Variants in TWIST2 observed in about 807,000 individuals in gnomAD.
TWIST2 encodes the protein twist family bHLH transcription factor 2.
A neutral mutation model predicts 11.6 loss-of-function variants in TWIST2; 1 was observed. That is an observed-to-expected ratio of 0.09 (90% CI 0.03 to 0.41). The LOEUF is 0.41. Among genes scored for constraint, TWIST2 ranks in the 10% least tolerant of loss-of-function variants. The probability of loss-of-function intolerance (pLI) is 0.98; values close to 1 mark genes in which losing one functional copy is unlikely to be tolerated. For synonymous variants in TWIST2, 87 were observed against 96.6 expected (o/e 0.90, Z 0.58); for missense variants, 168 against 226.4 (o/e 0.74, Z 1.66).
Position 238,848,371 on chromosome 2 carries a change from G to A in TWIST2, c.156G>A (p.Lys52=). 6.5e-7 allele frequency: 1 copy of A among 1,534,870 alleles called. No individual in the cohort carries two copies. Among genetic ancestry groups the A allele is most frequent in the South Asian group, 1.2e-5 (1 of 84,028 alleles). ...DGSPTPGKRG[K]KGSPSAQSFE... ...GCCCGACCCCGGGCAAGCGCGGCAA[G>A]AAGGGCAGCCCCAGCGCGCAGTCCT... The change falls in exon 1 of 2, where the codon AAG becomes AAA. Residue 52 remains lysine (K), a synonymous_variant. Transcript: ENST00000612363.
intron 1 of TWIST2, among the ~76,000 whole-genome samples, chr2:238,855,545 G>T (rs796861868): frequency 1.7e-4 from 26 of 152,270 alleles, no homozygotes; most frequent in African/African-American, 6.0e-4. Flanking sequence ...TGATCATTTC[G>T]CATTCCTTGT....
At chr2:238,902,879 G>T (rs1475376190) in intron 1 of TWIST2, among the ~76,000 whole-genome samples, 362 of 65,412 alleles carry the variant, frequency 5.5e-3, no homozygotes, top group Middle Eastern at 0.013. Flanking sequence ...TGATGTGAGG[G>T]GTGTGTGATG....
chr2:238,896,580 G>A (rs1693210363), intron 1 of TWIST2, among the ~76,000 whole-genome samples: 1 of 152,138 alleles, frequency 6.6e-6, no homozygotes, highest in African/African-American at 2.4e-5. Flanking sequence ...AAAAATTCCC[G>A]AGGCCCTGTA....
intron 1 of TWIST2, among the ~76,000 whole-genome samples, chr2:238,906,312 A>C (rs1281383698): frequency 6.6e-6 from 1 of 151,822 alleles, no homozygotes. Flanking sequence ...ACACAGACCC[A>C]CTCAGGAGGA....
chr2:238,880,434 A>G (rs1271199475), intron 1 of TWIST2, among the ~76,000 whole-genome samples: 7 of 119,802 alleles, frequency 5.8e-5, no homozygotes, highest in South Asian at 3.2e-4. Context: ...ATTTATTAGC[A>G]TTAGTGTTAG....
chr2:238,894,517 C>T (rs1232875353), intron 1 of TWIST2, among the ~76,000 whole-genome samples: 1 of 152,232 alleles, frequency 6.6e-6, no homozygotes, highest in Non-Finnish European at 1.5e-5. Context: ...CCTGCCCAGG[C>T]CCCACCTCGG....
At chr2:238,873,341 G>A (rs1380229263) in intron 1 of TWIST2, among the ~76,000 whole-genome samples, 3 of 152,190 alleles carry the variant, frequency 2.0e-5, no homozygotes, top group Non-Finnish European at 4.4e-5. Flanking sequence ...GACAGCAGAT[G>A]TGGGCTTGCT....
At chr2:238,901,888 A>G (rs1202256696) in intron 1 of TWIST2, among the ~76,000 whole-genome samples, 3 of 151,984 alleles carry the variant, frequency 2.0e-5, no homozygotes, top group Non-Finnish European at 2.9e-5. Flanking sequence ...GAGCATCTGG[A>G]AGCCCAGGGT....
chr2:238,867,412 C>CACACACAG lies in TWIST2; in HGVS notation c.*35+18679_*35+18680insACACACAG, dbSNP rs201212202. Among the ~76,000 whole-genome samples the CACACACAG allele has an allele frequency of 6.9e-6, 1 of 144,126 alleles. No homozygotes were observed. The highest frequency in any genetic ancestry group is 1.6e-5 in the Non-Finnish European group (1 of 64,162). The allele number at this position is 144,126 out of a possible 152,430, so 94.6% of individuals were successfully genotyped here. The stretch of plus-strand genomic sequence containing the variant: ...ACACACACACACACACACACACACA[C>CACACACAG]TCCTCAGTAAAATACCCAGTTCTCA... On this transcript the variant is annotated intron_variant, in intron 1 of 1. Transcript: ENST00000612363. This position sits in a 1 kb window ranked among gnomAD's most constrained non-coding sequence, Gnocchi z 4.8.
intron 1 of TWIST2, among the ~76,000 whole-genome samples, chr2:238,886,573 T>C (rs1420764543): frequency 6.6e-6 from 1 of 151,672 alleles, no homozygotes; most frequent in Non-Finnish European, 1.5e-5. Flanking sequence ...TTCTGGGCTA[T>C]TGTCTGGAGC....
chr2:238,893,200 A>C (rs1266248319), intron 1 of TWIST2, among the ~76,000 whole-genome samples: 5 of 152,328 alleles, frequency 3.3e-5, no homozygotes, highest in African/African-American at 9.6e-5. Context: ...GAATAGATGC[A>C]AAAAATTTCA....
Position 238,853,693 on chromosome 2 carries a change from C to T in TWIST2, c.*35+4960C>T, listed in dbSNP as rs985989214. Among the ~76,000 whole-genome samples, 4 of 152,098 alleles carry T rather than the reference C, an allele frequency of 2.6e-5. No homozygotes were observed. The South Asian group carries it at 8.3e-4, about 32-fold the overall frequency. ...GAGGCACAGTGTGATTTCTCTTCAG[C>T]GATTATTAATGGTTGTCACTTCGAA... On this transcript the variant is annotated intron_variant, in intron 1 of 1. Transcript: ENST00000612363.
intron 1 of TWIST2, among the ~76,000 whole-genome samples, chr2:238,865,042 G>T (rs536532902): frequency 6.6e-6 from 1 of 152,146 alleles, no homozygotes; most frequent in Non-Finnish European, 1.5e-5. Flanking sequence ...AAAGCCACAC[G>T]GGGTCACTCC....
At chr2:238,895,987 C>T (rs1297674955) in intron 1 of TWIST2, among the ~76,000 whole-genome samples, 1 of 152,222 alleles carries the variant, frequency 6.6e-6, no homozygotes, top group Non-Finnish European at 1.5e-5. Flanking sequence ...GCCTGGCTTC[C>T]AGCTGGCGTG....
In TWIST2 at chr2:238,856,121, G is replaced by A. The variant is rs569493722; in HGVS notation, c.*35+7388G>A. ...CCAGGACTGGCGTTTTATGGCCCCC[G>A]AGGTAGGGTCAGGAGAGAGCTTATC... On this transcript the variant is annotated intron_variant, in intron 1 of 1. Transcript: ENST00000612363. 7.9e-5 allele frequency among the ~76,000 whole-genome samples: 12 copies of A among 152,222 alleles called. No homozygotes were observed. In the East Asian group the frequency reaches 1.4e-3, roughly 17 times the overall value.
intron 1 of TWIST2, among the ~76,000 whole-genome samples, chr2:238,898,393 C>T (rs1403331050): frequency 3.9e-5 from 6 of 152,322 alleles, no homozygotes; most frequent in Admixed American, 2.0e-4. Context: ...TCTGAGGCTC[C>T]GAGGCCTGAG....
chr2:238,905,903 G>C (rs1241646943), intron 1 of TWIST2, among the ~76,000 whole-genome samples: 1 of 124,728 alleles, frequency 8.0e-6, no homozygotes. Context: ...GCGCGTGTGT[G>C]CGTGTGTGTG....
At chr2:238,870,637 C>A (rs1559274270) in intron 1 of TWIST2, among the ~76,000 whole-genome samples, 2 of 55,174 alleles carry the variant, frequency 3.6e-5, no homozygotes, top group Non-Finnish European at 7.1e-5. Context: ...CACACCCCCC[C>A]ACACACACAG....
intron 1 of TWIST2, among the ~76,000 whole-genome samples, chr2:238,878,667 G>T (rs1232572262): frequency 6.6e-6 from 1 of 152,214 alleles, no homozygotes; most frequent in Non-Finnish European, 1.5e-5. Flanking sequence ...TATTCCTCCA[G>T]GAGGTAACGC....
Sources: allele counts gnomAD v4.1 joint callset (sites outside exome capture counted in the v4.1 genomes callset), GRCh38; gene constraint gnomAD v4.1.1; non-coding constraint Gnocchi (gnomAD v3.1); transcripts MANE v1.5; gene names NCBI Gene and HGNC (gene_info 2026-07-23, HGNC 2026-07-21).